Variants in TTC7B observed in about 807,000 individuals in gnomAD.
TTC7B encodes tetratricopeptide repeat protein 7B.
TTC7B carries 28 observed loss-of-function variants against 106.8 expected under a neutral mutation model. The observed-to-expected ratio is 0.26, with a 90% CI of 0.19 to 0.36. The LOEUF is 0.36. Among genes scored for constraint, TTC7B ranks in the 10% least tolerant of loss-of-function variants. TTC7B has a pLI of 1.00. For missense variants in TTC7B, 862 were observed against 1,076.4 expected, an observed-to-expected ratio of 0.80 and a Z score of 2.79; for synonymous variants, 405 against 430.6, an observed-to-expected ratio of 0.94 and a Z score of 0.74.
intron 19 of TTC7B, among the ~76,000 whole-genome samples, chr14:90,567,054 T>G (rs1890830151): frequency 6.6e-6 from 1 of 151,122 alleles, no homozygotes; most frequent in African/African-American, 2.4e-5. Flanking sequence ...CGGGGAGGGG[T>G]GGTCTCCAGG....
intron 3 of TTC7B, 101 bp from the exon 4 acceptor site, chr14:90,745,023 A>C (rs1355913426): frequency 3.4e-6 from 4 of 1,181,362 alleles, no homozygotes; most frequent in Non-Finnish European, 4.9e-6. Flanking sequence ...GTAGAATATC[A>C]TGTTGTTTGC....
intron 15 of TTC7B, among the ~76,000 whole-genome samples, chr14:90,638,345 A>G (rs958034160): frequency 6.6e-6 from 1 of 152,228 alleles, no homozygotes; most frequent in Non-Finnish European, 1.5e-5. Flanking sequence ...AGAAATTCCA[A>G]ACTGAGTTAT....
chr14:90,800,643 C>CTACTAAAAATACAAAAAAT (rs2030201993), intron 1 of TTC7B, among the ~76,000 whole-genome samples: 1 of 151,916 alleles, frequency 6.6e-6, no homozygotes, highest in African/African-American at 2.4e-5. Flanking sequence ...AACCCTGTCT[C>CTACTAAAAATACAAAAAAT]TACTAAAAAT....
At chr14:90,589,404 A>T (rs1042818377) in intron 18 of TTC7B, among the ~76,000 whole-genome samples, 3 of 152,222 alleles carry the variant, frequency 2.0e-5, no homozygotes, top group African/African-American at 7.2e-5. Flanking sequence ...TATCCTATGC[A>T]CATCCTCCTG....
rs1889688950 is a variant in TTC7B, at chr14:90,739,863, G to A, written c.576+4929C>T. Among the ~76,000 whole-genome samples the A allele has an allele frequency of 2.0e-5, 3 of 152,144 alleles. 1 individual carries two copies. The highest frequency in any genetic ancestry group is 4.4e-5 in the Non-Finnish European group (3 of 68,022). On this transcript the variant is annotated intron_variant, in intron 4 of 19. Transcript: ENST00000328459. ...CAGGGCTCATATTATGGTATCCAAG[G>A]GTGAAGTCATCTTTATTCCCATCAC...
chr14:90,643,036 T>C (rs1454265619), intron 15 of TTC7B, among the ~76,000 whole-genome samples: 6 of 152,216 alleles, frequency 3.9e-5, no homozygotes, highest in Admixed American at 3.9e-4. Context: ...TATTTTTCTT[T>C]AAATTGACTT....
chr14:90,807,415 T>TGGG lies in TTC7B; in HGVS notation c.121+8757_121+8759dup, dbSNP rs1174521452. 2.6e-5 allele frequency among the ~76,000 whole-genome samples: 4 copies of TGGG among 152,182 alleles called. No homozygotes were observed. The East Asian group carries it at 7.7e-4, about 29-fold the overall frequency. On this transcript the variant is annotated intron_variant, in intron 1 of 19. Transcript: ENST00000328459. This position sits in a 1 kb window ranked among gnomAD's most constrained non-coding sequence, Gnocchi z 4.1. The stretch of plus-strand genomic sequence containing the variant: ...CGGGCACCATAATCACTTGGGGCCC[T>TGGG]GGGATCCTGCTTCCTGAGTCCCTAA...
chr14:90,708,215 T>A (rs999459541), intron 5 of TTC7B, among the ~76,000 whole-genome samples: 2 of 150,452 alleles, frequency 1.3e-5, no homozygotes, highest in African/African-American at 4.9e-5. Context: ...CTACAGAAAG[T>A]TATCCAGAAG....
At chr14:90,737,515 A>G (rs950287032) in intron 4 of TTC7B, among the ~76,000 whole-genome samples, 12 of 151,270 alleles carry the variant, frequency 7.9e-5, no homozygotes, top group Admixed American at 1.3e-4. Flanking sequence ...CAAAGAAGCC[A>G]GCCATAAAAG....
chr14:90,613,269 C>T (rs963748056), intron 16 of TTC7B, among the ~76,000 whole-genome samples: 9 of 152,136 alleles, frequency 5.9e-5, no homozygotes, highest in African/African-American at 2.2e-4. Flanking sequence ...GCGGCATGCA[C>T]CTGTGACCCC....
chr14:90,703,157 C>A (rs1566845258), intron 5 of TTC7B, among the ~76,000 whole-genome samples: 1 of 152,188 alleles, frequency 6.6e-6, no homozygotes, highest in Non-Finnish European at 1.5e-5. Flanking sequence ...CGTCAGCCTG[C>A]TTCATAAGAC....
At chr14:90,670,967 G>A (rs1449173151) in intron 9 of TTC7B, among the ~76,000 whole-genome samples, 1 of 152,162 alleles carries the variant, frequency 6.6e-6, no homozygotes, top group Non-Finnish European at 1.5e-5. Context: ...GGATGAGGGT[G>A]CACACTGGCT....
rs1384137344 is a variant in TTC7B at position 90,676,591 on chromosome 14, C to T, written c.1084G>A (p.Ala362Thr). Reference sequence around the variant, plus strand: ...GTGAGTAAGTCATAGACCACAGATGCACTCTGCAGACTGATGAGGCGGTCA... The same window carrying T: ...GTGAGTAAGTCATAGACCACAGATGTACTCTGCAGACTGATGAGGCGGTCA... ...KSDRLISLQS[A>T]SVVYDLLTIA... Residue 362 changes from alanine to threonine, a missense_variant, in exon 9 of 20, where the codon GCA (alanine) becomes ACA (threonine). Transcript: ENST00000328459. 6.2e-7 allele frequency: 1 copy of T among 1,614,136 alleles called. No individual in the cohort carries two copies. The highest frequency in any genetic ancestry group is 1.3e-5 in the African/African-American group (1 of 75,030).
At chr14:90,683,816 GATGACAGGCAGCCA>G (rs1430257970) in intron 7 of TTC7B, among the ~76,000 whole-genome samples, 1 of 152,198 alleles carries the variant, frequency 6.6e-6, no homozygotes. Flanking sequence ...GAGGCAAGGA[GATGACAGGCAGCCA>G]ACGGTGTAGC....
At chr14:90,790,975 G>A (rs1891567274) in intron 1 of TTC7B, among the ~76,000 whole-genome samples, 1 of 152,066 alleles carries the variant, frequency 6.6e-6, no homozygotes, top group African/African-American at 2.4e-5. Context: ...AATAGGATGT[G>A]GATAGAAAGC....
At chr14:90,542,705 T>C (rs1889656835) in intron 19 of TTC7B, among the ~76,000 whole-genome samples, 1 of 100,972 alleles carries the variant, frequency 9.9e-6, no homozygotes, top group Non-Finnish European at 1.8e-5. Context: ...ACAGTCTATG[T>C]ATAAACAGAC....
At position 90,617,844 on chromosome 14, in the gene TTC7B, G is replaced by A. The variant is rs961484882; in HGVS notation, c.1868+85C>T. The A allele has an allele frequency of 3.8e-6, 4 of 1,040,004 alleles. No individual in the cohort carries two copies. In the African/African-American group the frequency reaches 6.3e-5, roughly 16 times the overall value. 64.4% of individuals were successfully genotyped at this position (1,040,004 alleles called of 1,614,324 possible). On this transcript the variant is annotated intron_variant, in intron 16 of 19. Transcript: ENST00000328459. ...GGTGCACAGGGGTGACAGAGTTAAT[G>A]CCTGCTAAATGCCAATCAGAGAAGG... is the stretch of plus-strand genomic sequence containing the variant.
At chr14:90,741,705 A>G (rs1889772336) in intron 4 of TTC7B, among the ~76,000 whole-genome samples, 1 of 152,246 alleles carries the variant, frequency 6.6e-6, no homozygotes, top group South Asian at 2.1e-4. Flanking sequence ...TATCTCTTGC[A>G]TAACACACAA....
intron 16 of TTC7B, among the ~76,000 whole-genome samples, chr14:90,615,241 G>A (rs1893022096): frequency 1.3e-5 from 2 of 152,162 alleles, no homozygotes; most frequent in Admixed American, 1.3e-4. Context: ...TATGAAGCTA[G>A]GGTCTATTCT....
Sources: allele counts gnomAD v4.1 joint callset (sites outside exome capture counted in the v4.1 genomes callset), GRCh38; gene constraint gnomAD v4.1.1; non-coding constraint Gnocchi (gnomAD v3.1); transcripts MANE v1.5; gene names NCBI Gene and HGNC (gene_info 2026-07-23, HGNC 2026-07-21).